Variants in TSHB observed in about 807,000 individuals in gnomAD.
The protein encoded by TSHB is thyroid stimulating hormone subunit beta.
Under a neutral mutation model 9.3 loss-of-function variants are expected in TSHB, and 9 were observed. The observed-to-expected ratio is 0.97, with a 90% CI of 0.58 to 1.69. The LOEUF (loss-of-function observed/expected upper bound fraction) is 1.69, where lower values mean the gene tolerates loss of function less well. Among genes scored for constraint, TSHB ranks in the 40% most tolerant of loss-of-function variants. The pLI is 0.00. For missense variants in TSHB, 182 were observed against 168.5 expected (o/e 1.08, Z -0.44); for synonymous variants, 57 against 57.2 (o/e 1.00, Z 0.01).
chr1:115,033,955 T>G lies in TSHB; in HGVS notation c.163-18T>G. On this transcript the variant is annotated intron_variant, in intron 2 of 2. Transcript: ENST00000256592. ...AAAGTCCTGTCACATTATGCTCTCT[T>G]TTCTGTTCTTTCCCCAGGATATCAA... 1.2e-6 allele frequency: 2 copies of G among 1,612,476 alleles called. No homozygotes were observed. The highest frequency in any genetic ancestry group is 2.7e-5 in the African/African-American group (2 of 75,018).
chr1:115,033,885 T>C, intron 2 of TSHB, 88 bp from the exon 3 acceptor site: 3 of 1,536,656 alleles, frequency 2.0e-6, no homozygotes, highest in South Asian at 1.1e-5. Context: ...GATGAAGGAA[T>C]ATAAGTGAAT....
At chr1:115,033,266 A>C in intron 1 of TSHB, 96 bp from the exon 2 acceptor site, 1 of 1,115,968 alleles carries the variant, frequency 9.0e-7, no homozygotes, top group Non-Finnish European at 1.3e-6. Context: ...GATCATATGC[A>C]TTGGGATGGT....
intron 1 of TSHB, 95 bp from the exon 2 acceptor site, chr1:115,033,262 ATGCAT>A: frequency 9.7e-7 from 1 of 1,026,666 alleles, no homozygotes; most frequent in Admixed American, 1.9e-5. Context: ...GCATGATCAT[ATGCAT>A]TGGGATGGTA....
In TSHB at chr1:115,034,234, T is replaced by C. The variant is rs1557870566; in HGVS notation, c.*7T>C. Reference sequence around the variant, plus strand: ...GGTAGGATTTTCTGTCTAATAGTGATATAATTTGCAATTTGGTTAAATGTG... The same window carrying C: ...GGTAGGATTTTCTGTCTAATAGTGACATAATTTGCAATTTGGTTAAATGTG... On this transcript the variant is annotated 3_prime_UTR_variant, in exon 3 of 3. Transcript: ENST00000256592. 1 of 1,613,582 alleles carries C rather than the reference T, an allele frequency of 6.2e-7. No homozygotes were observed. The highest frequency in any genetic ancestry group is 2.2e-5 in the East Asian group (1 of 44,866).
intron 1 of TSHB, among the ~76,000 whole-genome samples, chr1:115,031,281 C>T (rs1482319870): frequency 2.0e-5 from 3 of 151,948 alleles, no homozygotes; most frequent in Non-Finnish European, 4.4e-5. Flanking sequence ...TAGAGTTCTA[C>T]ATTTATAGGA....
chr1:115,031,118 A>G (rs895290755), intron 1 of TSHB, among the ~76,000 whole-genome samples: 2 of 152,024 alleles, frequency 1.3e-5, no homozygotes, highest in African/African-American at 4.8e-5. Context: ...TAGGTGAGAA[A>G]GTTGAGGCCC....
At chr1:115,030,356 AC>A (rs1345966008) in intron 1 of TSHB, among the ~76,000 whole-genome samples, 1 of 152,066 alleles carries the variant, frequency 6.6e-6, no homozygotes, top group Non-Finnish European at 1.5e-5. Flanking sequence ...TTCAACACAC[AC>A]ACAGCTGCTG....
intron 1 of TSHB, among the ~76,000 whole-genome samples, chr1:115,030,802 T>C (rs569855580): frequency 4.5e-4 from 69 of 152,122 alleles, no homozygotes; most frequent in African/African-American, 1.6e-3. Flanking sequence ...GAGGAAGGGA[T>C]TAACTAACGC....
intron 2 of TSHB, 57 bp from the exon 3 acceptor site, chr1:115,033,916 T>G: frequency 6.3e-7 from 1 of 1,593,252 alleles, no homozygotes; most frequent in South Asian, 1.1e-5. Context: ...GTTTCTATTA[T>G]CTATATGTTT....
Position 115,034,006 on chromosome 1 carries a change from G to A in TSHB, c.196G>A (p.Ala66Thr). 1 of 1,613,602 alleles carries A rather than the reference G, an allele frequency of 6.2e-7. No individual in the cohort carries two copies. Among genetic ancestry groups the A allele is most frequent in the Non-Finnish European group, 8.5e-7 (1 of 1,179,680 alleles). ...INGKLFLPKY[A>T]LSQDVCTYRD... ...TGGCAAACTGTTTCTTCCCAAATAT[G>A]CTCTGTCCCAGGATGTTTGCACATA... The change falls in exon 3 of 3, where the codon GCT becomes ACT. Residue 66 changes from alanine to threonine, a missense_variant. Transcript: ENST00000256592.
At chr1:115,033,005 CT>C (rs5777208) in intron 1 of TSHB, among the ~76,000 whole-genome samples, 9,422 of 140,554 alleles carry the variant, frequency 0.067, 400 homozygotes, top group African/African-American at 0.13. Context: ...TTGTGTCAAC[CT>C]TTTTTTTTTT....
In TSHB at chr1:115,033,498, A is replaced by T. The variant is rs1230020143; in HGVS notation, c.136A>T (p.Ile46Phe). The T allele has an allele frequency of 6.2e-7, 1 of 1,613,170 alleles. No individual in the cohort carries two copies. Among genetic ancestry groups the T allele is most frequent in the South Asian group, 1.1e-5 (1 of 91,078 alleles). Residue 46 changes from isoleucine to phenylalanine, a missense_variant, in exon 2 of 3, where the codon ATC becomes TTC. Transcript: ENST00000256592. ...TTATTGCCTAACCATCAACACCACC[A>T]TCTGTGCTGGATATTGTATGACACG... ...CAYCLTINTT[I>F]CAGYCMTRDI...
In TSHB at chr1:115,034,260, C is replaced by G. The variant is rs771470498; in HGVS notation, c.*33C>G. 1.9e-6 allele frequency: 3 copies of G among 1,602,004 alleles called. No homozygotes were observed. In the East Asian group the frequency reaches 6.7e-5, roughly 36 times the overall value. On this transcript the variant is annotated 3_prime_UTR_variant, in exon 3 of 3. Transcript: ENST00000256592. Reference sequence around the variant, plus strand: ...ATAATTTGCAATTTGGTTAAATGTGCTTGCCTGAAATAAAGCTAATAAAAA... The same window carrying G: ...ATAATTTGCAATTTGGTTAAATGTGGTTGCCTGAAATAAAGCTAATAAAAA...
chr1:115,030,049 A>C (rs1392502908), intron 1 of TSHB, among the ~76,000 whole-genome samples, 189 bp downstream of exon 1: 1 of 152,134 alleles, frequency 6.6e-6, no homozygotes, highest in Non-Finnish European at 1.5e-5. Flanking sequence ...AACTACCTAC[A>C]TAAGGATAAG....
chr1:115,031,917 TAA>T lies in TSHB; in HGVS notation c.-1-1444_-1-1443del, dbSNP rs1674901598. Among the ~76,000 whole-genome samples, 9 of 152,186 alleles carry T rather than the reference TAA, an allele frequency of 5.9e-5. 1 individual carries two copies. Among genetic ancestry groups the T allele is most frequent in the South Asian group, 2.1e-4 (1 of 4,830 alleles). ...CCCTGTTATTTTAACCTTTAAAAGT[TAA>T]GTCTTCCTAAAATGGGTTAGTTTAC... On this transcript the variant is annotated intron_variant, in intron 1 of 2. Coordinates refer to ENST00000256592, the MANE Select transcript of TSHB (RefSeq NM_000549.5).
intron 1 of TSHB, among the ~76,000 whole-genome samples, chr1:115,030,448 T>C (rs1557869224): frequency 6.6e-6 from 1 of 152,008 alleles, no homozygotes; most frequent in Non-Finnish European, 1.5e-5. Context: ...AATTAGTTCT[T>C]TTCATAGTAA....
At chr1:115,031,236 T>C (rs1289330356) in intron 1 of TSHB, among the ~76,000 whole-genome samples, 2 of 152,054 alleles carry the variant, frequency 1.3e-5, no homozygotes, top group Non-Finnish European at 2.9e-5. Context: ...CTGTGGCTGG[T>C]AATTCAGCAC....
Position 115,033,490 on chromosome 1 carries a change from A to C in TSHB, c.128A>C (p.Asn43Thr), listed in dbSNP as rs1305344675. 2 of 1,613,434 alleles carry C rather than the reference A, an allele frequency of 1.2e-6. No individual in the cohort carries two copies. The highest frequency in any genetic ancestry group is 1.3e-5 in the African/African-American group (1 of 74,984). ...GAGTGTGCTTATTGCCTAACCATCA[A>C]CACCACCATCTGTGCTGGATATTGT... ...RRECAYCLTINTTICAGYCMT... is the reference protein window; with the variant it reads ...RRECAYCLTITTTICAGYCMT... Residue 43 changes from asparagine to threonine, a missense_variant, in exon 2 of 3, where the codon AAC becomes ACC. Transcript: ENST00000256592.
In TSHB at chr1:115,033,339, CTTTAAT is replaced by C; in HGVS notation, c.-1-18_-1-13del. ...CCTTTCTGATTTTAACAAATAGGTT[CTTTAAT>C]TTTATCTTTGATTTAGCATGACTGC... On this transcript the variant is annotated splice_polypyrimidine_tract_variant and intron_variant, in intron 1 of 2. Transcript: ENST00000256592. 1 of 1,612,336 alleles carries C rather than the reference CTTTAAT, an allele frequency of 6.2e-7. No homozygotes were observed. Among genetic ancestry groups the C allele is most frequent in the Non-Finnish European group, 8.5e-7 (1 of 1,178,892 alleles).
Sources: gnomAD v4.1 joint callset for allele counts (sites outside exome capture counted in the v4.1 genomes callset) on GRCh38, gnomAD v4.1.1 for gene constraint, MANE v1.5 for transcripts, NCBI Gene and HGNC (gene_info 2026-07-23, HGNC 2026-07-21) for gene names.